The following TESPA1 variants were observed in gnomAD, a reference collection of about 807,000 sequenced individuals.
TESPA1 encodes thymocyte expressed, positive selection associated 1.
A neutral mutation model predicts 57.9 loss-of-function variants in TESPA1; 33 were observed. The observed-to-expected ratio is 0.57, with a 90% confidence interval of 0.43 to 0.76. The LOEUF (loss-of-function observed/expected upper bound fraction) is 0.76, where lower values mean the gene tolerates loss of function less well. Among genes scored for constraint, TESPA1 ranks in the 30% least tolerant of loss-of-function variants. TESPA1 has a pLI of 0.00. For synonymous variants in TESPA1, 227 were observed against 228.9 expected (o/e 0.99, Z 0.07); for missense variants, 618 against 632.9 (o/e 0.98, Z 0.25).
chr12:54,953,222 C>A (rs1190418894), intron 10 of TESPA1, among the ~76,000 whole-genome samples: 1 of 152,166 alleles, frequency 6.6e-6, no homozygotes, highest in Non-Finnish European at 1.5e-5. Flanking sequence ...CTACCTTAGA[C>A]TAAACCAAAA....
chr12:54,967,052 C>T lies in TESPA1; in HGVS notation c.310+131G>A. ...TTTACATTAGATAATAATGAGACTG[C>T]CCTTTCCCTGTAGATAAGACCCCAG... is the stretch of plus-strand genomic sequence containing the variant. On this transcript the variant is annotated intron_variant, in intron 5 of 10. Coordinates refer to ENST00000449076, the MANE Select transcript of TESPA1 (RefSeq NM_001136030.3). 5.2e-6 allele frequency: 5 copies of T among 960,670 alleles called. No individual in the cohort carries two copies. The South Asian group carries it at 7.3e-5, about 14-fold the overall frequency. 59.5% of individuals were successfully genotyped at this position (960,670 alleles called of 1,614,324 possible). A position where few individuals can be genotyped will look rare whatever the true frequency, so the allele number is the denominator to read the frequency against.
chr12:54,973,967 GT>G, intron 2 of TESPA1: 2 of 925,716 alleles, frequency 2.2e-6, no homozygotes, highest in Non-Finnish European at 2.6e-6. Context: ...TGTAGGAAAG[GT>G]ACTACTACTT....
At chr12:54,984,281 A>AG (rs1275911183) in intron 1 of TESPA1, 1 of 152,186 alleles carries the variant, frequency 6.6e-6, no homozygotes, top group Non-Finnish European at 1.5e-5. Flanking sequence ...CAGGTGAGAA[A>AG]GGTGAAAAAA....
chr12:54,969,745 A>T (rs773289275), intron 3 of TESPA1, among the ~76,000 whole-genome samples: 1 of 152,218 alleles, frequency 6.6e-6, no homozygotes, highest in Non-Finnish European at 1.5e-5. Flanking sequence ...CTATTTCTAT[A>T]AAGTTCAAAA....
intron 1 of TESPA1, among the ~76,000 whole-genome samples, chr12:54,975,828 C>T (rs1309229102): frequency 6.6e-6 from 1 of 152,156 alleles, no homozygotes; most frequent in Middle Eastern, 3.2e-3. Context: ...ACATCCTGAA[C>T]ATAAAATGCA....
chr12:54,979,372 T>C (rs767347455), intron 1 of TESPA1, among the ~76,000 whole-genome samples: 30 of 152,180 alleles, frequency 2.0e-4, no homozygotes, highest in Admixed American at 2.6e-4. Flanking sequence ...AGATATCTGT[T>C]CTCCAATTTT....
chr12:54,955,750 C>G (rs748313558), intron 10 of TESPA1, among the ~76,000 whole-genome samples: 1 of 152,126 alleles, frequency 6.6e-6, no homozygotes, highest in Non-Finnish European at 1.5e-5. Flanking sequence ...TCTTTTACAC[C>G]TTTGTGGAGT....
chr12:54,970,874 G>C (rs1220446452), intron 3 of TESPA1, among the ~76,000 whole-genome samples: 1 of 152,192 alleles, frequency 6.6e-6, no homozygotes, highest in Non-Finnish European at 1.5e-5. Flanking sequence ...ATAGCTACCT[G>C]CCTGCAGAGA....
chr12:54,951,956 A>G (rs1950425746), intron 10 of TESPA1, among the ~76,000 whole-genome samples: 1 of 145,190 alleles, frequency 6.9e-6, no homozygotes, highest in Admixed American at 7.0e-5. Flanking sequence ...CAAAAAGCTC[A>G]ATTCCTAGAT....
chr12:54,963,699 A>C, intron 8 of TESPA1, 43 bp downstream of exon 8: 1 of 1,575,838 alleles, frequency 6.3e-7, no homozygotes, highest in Non-Finnish European at 8.6e-7. Context: ...TGAAAATCTA[A>C]AGGAAAAGGG....
At chr12:54,978,205 C>T (rs977305763) in intron 1 of TESPA1, among the ~76,000 whole-genome samples, 3 of 151,978 alleles carry the variant, frequency 2.0e-5, no homozygotes, top group African/African-American at 2.4e-5. Context: ...ATAAGTCATT[C>T]GAAAACGTAC....
chr12:54,978,831 C>A (rs1952218357), intron 1 of TESPA1, among the ~76,000 whole-genome samples: 1 of 152,210 alleles, frequency 6.6e-6, no homozygotes, highest in Admixed American at 6.5e-5. Flanking sequence ...CAACAAACAC[C>A]CATGCCTGCG....
At chr12:54,967,981 C>A in intron 3 of TESPA1, 89 bp from the exon 4 acceptor site, 1 of 1,591,298 alleles carries the variant, frequency 6.3e-7, no homozygotes, top group South Asian at 1.1e-5. Flanking sequence ...TATTCATATT[C>A]TTTTCCAGTG....
At chr12:54,984,142 GGA>G (rs1327795494) in intron 1 of TESPA1, 1 of 152,166 alleles carries the variant, frequency 6.6e-6, no homozygotes, top group East Asian at 1.9e-4. Context: ...CTCAATGGTT[GGA>G]GCTATGGACA....
chr12:54,977,015 G>A (rs1001371729), intron 1 of TESPA1, among the ~76,000 whole-genome samples: 2 of 151,906 alleles, frequency 1.3e-5, no homozygotes, highest in African/African-American at 4.8e-5. Flanking sequence ...ATGGAGCCAT[G>A]CCTGGCTTCC....
At chr12:54,975,566 T>C (rs1485337198) in intron 1 of TESPA1, among the ~76,000 whole-genome samples, 1 of 152,060 alleles carries the variant, frequency 6.6e-6, no homozygotes, top group East Asian at 1.9e-4. Context: ...TGGCCACACT[T>C]GCATCCCACC....
At chr12:54,953,535 T>TTTTTTTTTTTTTA (rs1592301090) in intron 10 of TESPA1, among the ~76,000 whole-genome samples, 3 of 150,986 alleles carry the variant, frequency 2.0e-5, no homozygotes, top group Admixed American at 1.3e-4. Context: ...TTTTTTTTTT[T>TTTTTTTTTTTTTA]GAGACGGAGT....
At chr12:54,967,762 C>A in intron 4 of TESPA1, 81 bp downstream of exon 4, 1 of 1,500,834 alleles carries the variant, frequency 6.7e-7, no homozygotes, top group Non-Finnish European at 9.2e-7. Context: ...TGTATATGTG[C>A]ATAAACACTC....
At chr12:54,967,050 T>C in intron 5 of TESPA1, 133 bp downstream of exon 5, 1 of 929,304 alleles carries the variant, frequency 1.1e-6, no homozygotes, top group South Asian at 1.5e-5. Flanking sequence ...ATAATGAGAC[T>C]GCCCTTTCCC....
Sources: gnomAD v4.1 joint callset for allele counts (sites outside exome capture counted in the v4.1 genomes callset) on GRCh38, gnomAD v4.1.1 for gene constraint, MANE v1.5 for transcripts, NCBI Gene and HGNC (gene_info 2026-07-23, HGNC 2026-07-21) for gene names.